ZFAT: variants seen among roughly 807,000 people sequenced by gnomAD.
ZFAT encodes zinc finger and AT-hook domain containing.
Under a neutral mutation model 117.7 loss-of-function variants are expected in ZFAT, and 64 were observed. The observed-to-expected ratio is 0.54, with a 90% CI of 0.44 to 0.67. The LOEUF is 0.67. Among genes scored for constraint, ZFAT ranks in the 30% least tolerant of loss-of-function variants. The pLI is 0.00. For missense variants in ZFAT, 1,433 were observed against 1,584.5 expected, an observed-to-expected ratio of 0.90 and a Z score of 1.62; for synonymous variants, 679 against 615.0, an observed-to-expected ratio of 1.10 and a Z score of -1.54.
chr8:134,631,189 C>T (rs1170009393), intron 3 of ZFAT, among the ~76,000 whole-genome samples: 1 of 152,224 alleles, frequency 6.6e-6, no homozygotes, highest in Non-Finnish European at 1.5e-5. Flanking sequence ...TGGAGGAAGC[C>T]GATAATCTGA....
chr8:134,630,017 G>A (rs1829778025), intron 3 of ZFAT, among the ~76,000 whole-genome samples: 1 of 152,184 alleles, frequency 6.6e-6, no homozygotes, highest in East Asian at 1.9e-4. Context: ...CTGCAACACC[G>A]ACAAGAAAGC....
chr8:134,787,238 A>G, the ZFAT span, among the ~76,000 whole-genome samples: 1 of 152,188 alleles, frequency 6.6e-6, no homozygotes, highest in Admixed American at 6.5e-5. Context: ...ATGTTCCTTT[A>G]TGCTTTATGT....
chr8:134,677,900 C>T (rs1832882356), intron 1 of ZFAT, among the ~76,000 whole-genome samples: 1 of 152,168 alleles, frequency 6.6e-6, no homozygotes, highest in Non-Finnish European at 1.5e-5. Context: ...TTCAACAGCC[C>T]TTCATGCTAA....
chr8:134,727,786 C>A, the ZFAT span, among the ~76,000 whole-genome samples: 1 of 152,090 alleles, frequency 6.6e-6, no homozygotes, highest in African/African-American at 2.4e-5. Flanking sequence ...ATGAAAGCAG[C>A]CAAAGGGAAT....
At chr8:134,582,651 T>G (rs1327136698) in intron 10 of ZFAT, among the ~76,000 whole-genome samples, 1 of 152,218 alleles carries the variant, frequency 6.6e-6, no homozygotes, top group African/African-American at 2.4e-5. Flanking sequence ...GCTCTGGCTC[T>G]TTTTCAGCCT....
chr8:134,802,873 TA>T, the ZFAT span, among the ~76,000 whole-genome samples: 1 of 152,178 alleles, frequency 6.6e-6, no homozygotes, highest in South Asian at 2.1e-4. Flanking sequence ...CCATTTGCTA[TA>T]AATAATCAAT....
At chr8:134,791,544 T>A in the ZFAT span, among the ~76,000 whole-genome samples, 2 of 152,210 alleles carry the variant, frequency 1.3e-5, no homozygotes, top group Non-Finnish European at 2.9e-5. Context: ...TGTGTATATT[T>A]GTTGTTTTCT....
intron 12 of ZFAT, among the ~76,000 whole-genome samples, chr8:134,530,712 T>C (rs1043948354): frequency 5.9e-5 from 9 of 152,146 alleles, no homozygotes; most frequent in Non-Finnish European, 1.3e-4. Flanking sequence ...TCCATATCCA[T>C]GGGTTCAACC....
intron 13 of ZFAT, among the ~76,000 whole-genome samples, chr8:134,515,508 G>A (rs1038686766): frequency 3.3e-5 from 5 of 152,174 alleles, no homozygotes; most frequent in African/African-American, 1.2e-4. Flanking sequence ...CATTCTAACT[G>A]GCGTGAGATG....
chr8:134,571,560 A>C (rs759699937), intron 10 of ZFAT, among the ~76,000 whole-genome samples: 7 of 152,228 alleles, frequency 4.6e-5, no homozygotes, highest in Non-Finnish European at 1.0e-4. Context: ...ATGACTATGA[A>C]ACACCAAGAC....
chr8:134,624,188 A>G (rs372186752), intron 3 of ZFAT, among the ~76,000 whole-genome samples: 5,256 of 146,854 alleles, frequency 0.036, 147 homozygotes, highest in Middle Eastern at 0.063. Flanking sequence ...ATGCACACAC[A>G]CACACACACA....
chr8:134,550,840 C>A (rs1823110820), intron 11 of ZFAT, among the ~76,000 whole-genome samples: 1 of 152,174 alleles, frequency 6.6e-6, no homozygotes, highest in African/African-American at 2.4e-5. Context: ...GCATCCCGCT[C>A]CCAACCCCAC....
At chr8:134,812,138 C>G in the ZFAT span, among the ~76,000 whole-genome samples, 12 of 152,076 alleles carry the variant, frequency 7.9e-5, no homozygotes, top group East Asian at 1.4e-3. Context: ...GAGCAAGACT[C>G]TGTATCAATA....
the ZFAT span, chr8:134,785,490 T>C: frequency 5.3e-5 from 8 of 152,030 alleles, no homozygotes; most frequent in Admixed American, 4.6e-4. Context: ...AAAATGGTAT[T>C]CCCGCCCCCT....
intron 8 of ZFAT, among the ~76,000 whole-genome samples, chr8:134,589,960 T>A (rs1383944618): frequency 6.6e-6 from 1 of 152,160 alleles, no homozygotes; most frequent in African/African-American, 2.4e-5. Flanking sequence ...CACAAGCTTA[T>A]GACAACAGCC....
chr8:134,820,449 A>T, the ZFAT span, among the ~76,000 whole-genome samples: 6 of 152,376 alleles, frequency 3.9e-5, no homozygotes, highest in African/African-American at 1.4e-4. Context: ...GAGTGATGCC[A>T]GTATCATCGC....
At chr8:134,768,190 C>T in the ZFAT span, among the ~76,000 whole-genome samples, 1 of 152,174 alleles carries the variant, frequency 6.6e-6, no homozygotes, top group East Asian at 1.9e-4. Context: ...TCGCTTCATG[C>T]CTCTGTGTTG....
At chr8:134,513,717 CAAG>C (rs1345831967) in intron 13 of ZFAT, among the ~76,000 whole-genome samples, 2 of 152,128 alleles carry the variant, frequency 1.3e-5, no homozygotes, top group Non-Finnish European at 2.9e-5. Context: ...TGTCACCAAT[CAAG>C]AAGAACAAAA....
At chr8:134,819,445 G>T in the ZFAT span, among the ~76,000 whole-genome samples, 1 of 149,762 alleles carries the variant, frequency 6.7e-6, no homozygotes, top group Admixed American at 6.7e-5. Context: ...TGCAGATTTG[G>T]TAATTTCCAA....
Sources: allele counts gnomAD v4.1 joint callset (sites outside exome capture counted in the v4.1 genomes callset), GRCh38; gene constraint gnomAD v4.1.1; transcripts MANE v1.5; gene names NCBI Gene and HGNC (gene_info 2026-07-23, HGNC 2026-07-21).